The following ASTN2 variants were observed in gnomAD, a reference collection of about 807,000 sequenced individuals.
ASTN2 encodes the protein astrotactin-2.
ASTN2 carries 54 observed loss-of-function variants against 139.8 expected under a neutral mutation model. The ratio of observed to expected loss-of-function variants is 0.39; its 90% CI spans 0.31 to 0.48. The LOEUF is 0.48. Ranked by LOEUF, ASTN2 falls within the 20% of genes least tolerant of loss-of-function variation. The pLI is 0.95. For synonymous variants in ASTN2, 756 were observed against 719.5 expected (o/e 1.05, Z -0.81); for missense variants, 1,565 against 1,725.1 (o/e 0.91, Z 1.64).
At chr9:116,933,978 C>CTTTTTTTT (rs1564347617) in intron 10 of ASTN2, among the ~76,000 whole-genome samples, 1 of 30,742 alleles carries the variant, frequency 3.3e-5, no homozygotes, top group African/African-American at 8.6e-5. Flanking sequence ...AAGTGTTAGT[C>CTTTTTTTT]CTTTTTTTTT....
At chr9:116,799,371 C>A (rs1182719672) in intron 13 of ASTN2, among the ~76,000 whole-genome samples, 2 of 152,154 alleles carry the variant, frequency 1.3e-5, no homozygotes, top group Non-Finnish European at 2.9e-5. Flanking sequence ...TTATGCTATA[C>A]AATATGCACA....
rs1341773409 is a variant in ASTN2, at chr9:116,567,996, ATAT to A, written c.3355+50325_3355+50327del. Among the ~76,000 whole-genome samples the A allele has an allele frequency of 6.6e-5, 10 of 152,332 alleles. No homozygotes were observed. In the East Asian group the frequency reaches 1.7e-3, roughly 26 times the overall value. On this transcript the variant is annotated intron_variant, in intron 19 of 22. Transcript: ENST00000313400. ...CACTGAGCCTCTACTGTATACATGA[ATAT>A]TATTATCACCTCACTGTAAAGATGC...
At chr9:117,398,470 A>G (rs935127325) in intron 1 of ASTN2, among the ~76,000 whole-genome samples, 5 of 152,196 alleles carry the variant, frequency 3.3e-5, no homozygotes, top group East Asian at 1.9e-4. Context: ...AGAAATCCAG[A>G]GCAACTCATA....
At chr9:117,080,363 T>C (rs1004077260) in intron 5 of ASTN2, among the ~76,000 whole-genome samples, 2 of 152,194 alleles carry the variant, frequency 1.3e-5, no homozygotes, top group African/African-American at 4.8e-5. Context: ...CATCCTCCTA[T>C]TGTTGGACAT....
chr9:117,218,117 C>A (rs1458369592), intron 2 of ASTN2, among the ~76,000 whole-genome samples: 1 of 152,232 alleles, frequency 6.6e-6, no homozygotes, highest in Non-Finnish European at 1.5e-5. Context: ...TCTGCCTTAT[C>A]AAGTTACCTA....
At chr9:116,830,843 T>G (rs999645316) in intron 11 of ASTN2, among the ~76,000 whole-genome samples, 3 of 150,638 alleles carry the variant, frequency 2.0e-5, no homozygotes, top group Admixed American at 1.3e-4. Flanking sequence ...AGCCCTCATA[T>G]GTTTACTGCA....
intron 3 of ASTN2, among the ~76,000 whole-genome samples, chr9:117,172,972 C>T (rs1037953789): frequency 6.6e-6 from 1 of 152,092 alleles, no homozygotes; most frequent in South Asian, 2.1e-4. Flanking sequence ...TTCGCAGTTA[C>T]CTATGCTCTA....
At chr9:117,402,258 G>A (rs1002944627) in intron 1 of ASTN2, among the ~76,000 whole-genome samples, 2 of 152,006 alleles carry the variant, frequency 1.3e-5, no homozygotes, top group Non-Finnish European at 2.9e-5. Context: ...GTAGAGATGG[G>A]GTTTCACCAT....
rs1260494221 is a variant in ASTN2 at position 117,376,357 on chromosome 9, G to A, written c.442+38140C>T. ...TTTTCTCCCCTTCCCATAGTATGTC[G>A]CCTCCAGGAAAATGTCAGACAGATA... On this transcript the variant is annotated intron_variant, in intron 1 of 22. Transcript: ENST00000313400. Among the ~76,000 whole-genome samples, 4 of 152,074 alleles carry A rather than the reference G, an allele frequency of 2.6e-5. No homozygotes were observed. In the East Asian group the frequency reaches 5.8e-4, roughly 22 times the overall value.
intron 2 of ASTN2, among the ~76,000 whole-genome samples, chr9:117,267,762 C>A (rs968765941): frequency 6.6e-6 from 1 of 152,146 alleles, no homozygotes; most frequent in African/African-American, 2.4e-5. Context: ...CCTCTCAGGG[C>A]GCAGTTTCTC....
chr9:117,078,295 C>T lies in ASTN2; in HGVS notation c.1276+17749G>A, dbSNP rs185742573. Among the ~76,000 whole-genome samples, 175 of 152,112 alleles carry T rather than the reference C, an allele frequency of 1.2e-3. 2 individuals are homozygous for T. The highest frequency in any genetic ancestry group is 1.8e-4 in the Non-Finnish European group (12 of 67,986). On this transcript the variant is annotated intron_variant, in intron 5 of 22. Transcript: ENST00000313400. ...AAATAAGTTGTTATTTTTTGAGTGC[C>T]CATTATGTTTTCTCCCTGTTTCCAG... is the stretch of plus-strand genomic sequence containing the variant.
Position 117,262,922 on chromosome 9 carries a change from G to C in ASTN2, c.630+28404C>G, listed in dbSNP as rs201909436. Among the ~76,000 whole-genome samples the C allele has an allele frequency of 8.5e-5, 13 of 152,268 alleles. No individual in the cohort carries two copies. In the East Asian group the frequency reaches 2.5e-3, roughly 29 times the overall value. ...GGGGGCCATGAGCCAAGGAATATGA[G>C]TGGCTTCCAGAAGCTGGAAAGGGCA... On this transcript the variant is annotated intron_variant, in intron 2 of 22. Coordinates refer to ENST00000313400, the MANE Select transcript of ASTN2 (RefSeq NM_001365068.1).
chr9:116,832,968 G>A (rs76238233), intron 11 of ASTN2, among the ~76,000 whole-genome samples: 1,254 of 102,370 alleles, frequency 0.012, 6 homozygotes, highest in Non-Finnish European at 0.016. Context: ...TTATTTTTTG[G>A]GAATTGACGT....
At chr9:117,143,974 T>C (rs1319953455) in intron 3 of ASTN2, among the ~76,000 whole-genome samples, 2 of 152,104 alleles carry the variant, frequency 1.3e-5, no homozygotes, top group Non-Finnish European at 2.9e-5. Flanking sequence ...TTCCCCAATT[T>C]ATATGTTGGA....
intron 5 of ASTN2, among the ~76,000 whole-genome samples, chr9:117,079,303 C>T (rs961664794): frequency 6.6e-6 from 1 of 152,106 alleles, no homozygotes; most frequent in Non-Finnish European, 1.5e-5. Context: ...CTGGTGTGAG[C>T]TGCGATGGCA....
intron 19 of ASTN2, among the ~76,000 whole-genome samples, chr9:116,508,366 C>A (rs1456524558): frequency 1.3e-5 from 2 of 152,140 alleles, no homozygotes; most frequent in African/African-American, 4.8e-5. Flanking sequence ...TCACCCAGTT[C>A]CACAGCCTGC....
At chr9:116,886,713 T>C (rs960381657) in intron 10 of ASTN2, among the ~76,000 whole-genome samples, 2 of 149,488 alleles carry the variant, frequency 1.3e-5, no homozygotes, top group Non-Finnish European at 3.0e-5. Flanking sequence ...GGATAGAACT[T>C]GGCATTTCAG....
intron 10 of ASTN2, among the ~76,000 whole-genome samples, chr9:116,955,522 C>A (rs1835682434): frequency 6.6e-6 from 1 of 152,246 alleles, no homozygotes; most frequent in African/African-American, 2.4e-5. Context: ...TCTGGGCACT[C>A]TGTAGTGAAT....
chr9:116,990,079 GGTCCAA>G (rs1412392854), intron 7 of ASTN2, among the ~76,000 whole-genome samples: 2 of 152,048 alleles, frequency 1.3e-5, no homozygotes, highest in African/African-American at 4.8e-5. Context: ...GAGTCAGAGA[GGTCCAA>G]GTAAAATCCC....
Sources: allele counts gnomAD v4.1 joint callset (sites outside exome capture counted in the v4.1 genomes callset), GRCh38; gene constraint gnomAD v4.1.1; transcripts MANE v1.5; gene names NCBI Gene and HGNC (gene_info 2026-07-23, HGNC 2026-07-21).